The following SGSM1 variants were observed in gnomAD, a reference collection of about 807,000 sequenced individuals.
The protein encoded by SGSM1 is RUN and TBC1 domain containing 2.
Under a neutral mutation model 133.8 loss-of-function variants are expected in SGSM1, and 73 were observed. That is an observed-to-expected ratio of 0.55 (90% CI 0.45 to 0.66). SGSM1 has a LOEUF of 0.66. Among genes scored for constraint, SGSM1 ranks in the 30% least tolerant of loss-of-function variants. The pLI is 0.00. For missense variants in SGSM1, 1,213 were observed against 1,448.1 expected (o/e 0.84, Z 2.64); for synonymous variants, 563 against 573.0 (o/e 0.98, Z 0.25).
chr22:24,919,973 A>C lies in SGSM1; in HGVS notation c.3173A>C (p.Asp1058Ala). ...IILENNMDFT[D>A]IIKFFNEMAE... is the part of the protein sequence containing the mutation. ...TTGGAGAACAACATGGATTTCACAGACATCATCAAATTCTTTAATGGTACC... is the reference window on the plus strand; with the variant it reads ...TTGGAGAACAACATGGATTTCACAGCCATCATCAAATTCTTTAATGGTACC... The change falls in exon 24 of 25, where the codon GAC becomes GCC. Residue 1058 changes from aspartate to alanine, a missense_variant. Transcript: ENST00000400358. 2.5e-6 allele frequency: 4 copies of C among 1,608,590 alleles called. No homozygotes were observed. In the South Asian group the frequency reaches 4.4e-5, roughly 18 times the overall value.
intron 2 of SGSM1, chr22:24,814,338 AATT>A (rs1299962350): frequency 6.6e-6 from 1 of 152,106 alleles, no homozygotes; most frequent in African/African-American, 2.4e-5. Context: ...GACCTCATTT[AATT>A]ATTGATCCCC....
At chr22:24,857,078 A>G (rs557905692) in intron 8 of SGSM1, among the ~76,000 whole-genome samples, 23 of 151,548 alleles carry the variant, frequency 1.5e-4, no homozygotes, top group African/African-American at 4.8e-4. Flanking sequence ...AAGATACACC[A>G]TTTCTTAACG....
intron 22 of SGSM1, 78 bp downstream of exon 22, chr22:24,912,830 A>G: frequency 1.1e-6 from 1 of 927,432 alleles, no homozygotes; most frequent in South Asian, 1.5e-5. Context: ...AGACTGAGCT[A>G]TTTAGAGCCC....
intron 2 of SGSM1, among the ~76,000 whole-genome samples, chr22:24,813,453 G>A (rs1370861194): frequency 6.6e-6 from 1 of 152,106 alleles, no homozygotes; most frequent in Non-Finnish European, 1.5e-5. Context: ...TGGAATCACA[G>A]CCCCCCACCC....
intron 5 of SGSM1, among the ~76,000 whole-genome samples, chr22:24,852,531 C>T (rs904029333): frequency 6.6e-6 from 1 of 152,162 alleles, no homozygotes; most frequent in Non-Finnish European, 1.5e-5. Context: ...GCAACCTCTG[C>T]GTCCCGTGTT....
chr22:24,811,016 G>A (rs913275719), intron 2 of SGSM1, among the ~76,000 whole-genome samples: 15 of 152,276 alleles, frequency 9.9e-5, no homozygotes, highest in African/African-American at 2.2e-4. Context: ...CATCCAGGTC[G>A]CCCAGTTAAA....
At chr22:24,859,360 G>T (rs558852886) in intron 8 of SGSM1, among the ~76,000 whole-genome samples, 3 of 152,266 alleles carry the variant, frequency 2.0e-5, no homozygotes, top group African/African-American at 7.2e-5. Context: ...CAAGATAAAT[G>T]CCTTCTGTTT....
chr22:24,881,566 AAAAAC>A (rs566672895), intron 14 of SGSM1, among the ~76,000 whole-genome samples: 9 of 150,404 alleles, frequency 6.0e-5, no homozygotes, highest in South Asian at 2.1e-4. Context: ...ACTCCGTCTC[AAAAAC>A]AAAACAAAAC....
At chr22:24,905,302 A>G (rs1329272542) in intron 21 of SGSM1, 115 bp downstream of exon 21, 2 of 996,980 alleles carry the variant, frequency 2.0e-6, no homozygotes, top group Non-Finnish European at 3.2e-6. Context: ...AGGTGCTCTG[A>G]AGGCCTGTCT....
intron 16 of SGSM1, among the ~76,000 whole-genome samples, chr22:24,891,983 T>G: frequency 6.8e-6 from 1 of 147,074 alleles, no homozygotes; most frequent in African/African-American, 2.5e-5. Flanking sequence ...CATGAAGGAG[T>G]AGGATGGTGG....
chr22:24,904,588 A>G lies in SGSM1; in HGVS notation c.2736-517A>G, dbSNP rs547203994. On this transcript the variant is annotated intron_variant, in intron 20 of 24. Transcript: ENST00000400358. ...GTGAGACTCCGTCTCAAAAAAAAAA[A>G]AAAGAAAAAGAAAATAGTGGGTTGA... 3.3e-5 allele frequency among the ~76,000 whole-genome samples: 5 copies of G among 150,624 alleles called. No homozygotes were observed. In the East Asian group the frequency reaches 9.7e-4, roughly 29 times the overall value.
intron 3 of SGSM1, among the ~76,000 whole-genome samples, chr22:24,845,729 C>T (rs1930057419): frequency 6.6e-6 from 1 of 152,192 alleles, no homozygotes; most frequent in African/African-American, 2.4e-5. Flanking sequence ...GGCACCACCC[C>T]ACGGGGCCCA....
At chr22:24,905,831 C>T (rs1387702075) in intron 21 of SGSM1, among the ~76,000 whole-genome samples, 1 of 151,138 alleles carries the variant, frequency 6.6e-6, no homozygotes, top group Non-Finnish European at 1.5e-5. Flanking sequence ...GGATTAATGC[C>T]AATTCTTCGT....
chr22:24,834,083 C>G (rs893507425), intron 2 of SGSM1, among the ~76,000 whole-genome samples: 2 of 152,276 alleles, frequency 1.3e-5, no homozygotes, highest in East Asian at 3.8e-4. Context: ...GGTGGCCGCG[C>G]TCCTGCATCA....
At chr22:24,861,961 T>C (rs1008659549) in intron 9 of SGSM1, among the ~76,000 whole-genome samples, 4 of 150,718 alleles carry the variant, frequency 2.7e-5, no homozygotes, top group South Asian at 4.2e-4. Flanking sequence ...TCTTTCTTTT[T>C]TTTTTTTTTT....
chr22:24,844,583 G>A, intron 2 of SGSM1: 1 of 263,822 alleles, frequency 3.8e-6, no homozygotes, highest in Non-Finnish European at 7.1e-6. Context: ...AACAGGGGAT[G>A]GGAGTGGGGA....
intron 12 of SGSM1, among the ~76,000 whole-genome samples, chr22:24,871,719 C>T (rs1931773255): frequency 6.6e-6 from 1 of 152,228 alleles, no homozygotes; most frequent in Non-Finnish European, 1.5e-5. Flanking sequence ...CCACTCCATG[C>T]ACATCGTTTT....
At chr22:24,811,868 C>CAA (rs757643471) in intron 2 of SGSM1, among the ~76,000 whole-genome samples, 60,862 of 121,516 alleles carry the variant, frequency 0.5, 14,817 homozygotes, top group African/African-American at 0.6. Context: ...GACCCTGTCT[C>CAA]AAAAAAAAAA....
chr22:24,811,149 G>T (rs760924958), intron 2 of SGSM1, among the ~76,000 whole-genome samples: 3 of 152,112 alleles, frequency 2.0e-5, no homozygotes, highest in African/African-American at 4.8e-5. Flanking sequence ...ACAGTTGGGG[G>T]TGCTATCAGC....
Sources: gnomAD v4.1 joint callset for allele counts (sites outside exome capture counted in the v4.1 genomes callset) on GRCh38, gnomAD v4.1.1 for gene constraint, MANE v1.5 for transcripts, NCBI Gene and HGNC (gene_info 2026-07-23, HGNC 2026-07-21) for gene names.